The following BRD4 variants were observed in gnomAD, a reference collection of about 807,000 sequenced individuals.
BRD4 encodes the protein bromodomain containing 4.
In BRD4, 16 loss-of-function variants were observed where a neutral mutation model predicts 142.1. The ratio of observed to expected loss-of-function variants is 0.11; its 90% CI spans 0.08 to 0.17. BRD4 has a LOEUF of 0.17. Among genes scored for constraint, BRD4 ranks in the 10% least tolerant of loss-of-function variants. BRD4 has a pLI of 1.00. For missense variants in BRD4, 1,424 were observed against 1,810.9 expected (o/e 0.79, Z 3.88); for synonymous variants, 833 against 707.5 (o/e 1.18, Z -2.82).
At chr19:15,249,215 G>C in intron 11 of BRD4, 1 of 1,613,472 alleles carries the variant, frequency 6.2e-7, no homozygotes, top group Middle Eastern at 1.6e-4. Flanking sequence ...ATGGACTTAA[G>C]CTATAGCTTG....
chr19:15,260,813 A>G (rs1398878213), intron 7 of BRD4, among the ~76,000 whole-genome samples: 1 of 152,114 alleles, frequency 6.6e-6, no homozygotes, highest in Non-Finnish European at 1.5e-5. Flanking sequence ...AAAAAAAAAA[A>G]AACCACTTAA....
chr19:15,278,376 A>T (rs960132120), intron 1 of BRD4, among the ~76,000 whole-genome samples: 87 of 151,886 alleles, frequency 5.7e-4, no homozygotes, highest in African/African-American at 2.0e-3. Context: ...TCTACTAAAA[A>T]TACAGAAAAA....
chr19:15,329,347 A>G (rs1157096150), intron 1 of BRD4, among the ~76,000 whole-genome samples: 1 of 152,230 alleles, frequency 6.6e-6, no homozygotes, highest in Non-Finnish European at 1.5e-5. Context: ...AAAACATTTT[A>G]CATTCACAAA....
At chr19:15,242,853 A>G in intron 14 of BRD4, 47 bp downstream of exon 14, 1 of 1,566,400 alleles carries the variant, frequency 6.4e-7, no homozygotes, top group South Asian at 1.2e-5. Flanking sequence ...ACAAAACTAT[A>G]GGCCCAGCAC....
intron 1 of BRD4, among the ~76,000 whole-genome samples, chr19:15,328,848 A>C (rs1225066171): frequency 6.6e-6 from 1 of 152,158 alleles, no homozygotes; most frequent in East Asian, 1.9e-4. Flanking sequence ...ACCTTGGCTC[A>C]CCGCAACCTC....
At position 15,243,080 on chromosome 19, in the gene BRD4, C is replaced by T. The variant is rs747935780; in HGVS notation, c.2989G>A (p.Val997Met). 9.8e-6 allele frequency: 14 copies of T among 1,426,804 alleles called. No homozygotes were observed. The highest frequency in any genetic ancestry group is 2.5e-4 in the Middle Eastern group (1 of 3,934). The allele number at this position is 1,426,804 out of a possible 1,614,324, so 88.4% of individuals were successfully genotyped here. The change falls in exon 14 of 20, where the codon GTG becomes ATG. Residue 997 changes from valine to methionine, a missense_variant. Coordinates refer to ENST00000679869, the MANE Select transcript of BRD4 (RefSeq NM_001379291.1). Reference protein sequence around the residue: ...QQQHQPPPRPVHLQPMQFSTH... With the variant: ...QQQHQPPPRPMHLQPMQFSTH... ...GAAAACTGCATGGGCTGCAAGTGCA[C>T]GGGCCGTGGAGGGGGCTGATGCTGC...
intron 1 of BRD4, among the ~76,000 whole-genome samples, chr19:15,305,149 G>C (rs1366731508): frequency 1.3e-5 from 2 of 151,168 alleles, no homozygotes; most frequent in Non-Finnish European, 1.5e-5. Context: ...CTCCCGAGTA[G>C]CTGGGATTTC....
In BRD4 at chr19:15,264,311, G is replaced by C. The variant is rs1234078836; in HGVS notation, c.1212+93C>G. 4.7e-6 allele frequency: 7 copies of C among 1,477,974 alleles called. No homozygotes were observed. In the East Asian group the frequency reaches 1.6e-4, roughly 34 times the overall value. The allele number at this position is 1,477,974 out of a possible 1,614,324, so 91.6% of individuals were successfully genotyped here. ...CCACGCAGCCACCGTTCCAGGGCCT[G>C]GGCTTCCTCTTGGACTAAAAGGTCT... is the stretch of plus-strand genomic sequence containing the variant. On this transcript the variant is annotated intron_variant, in intron 6 of 19. Transcript: ENST00000679869.
At chr19:15,241,241 G>A (rs2047235483) in intron 14 of BRD4, among the ~76,000 whole-genome samples, 1 of 152,232 alleles carries the variant, frequency 6.6e-6, no homozygotes, top group South Asian at 2.1e-4. Context: ...CCCCAGGTCT[G>A]GCCTGCCAGG....
chr19:15,315,291 C>T (rs936996428), intron 1 of BRD4, among the ~76,000 whole-genome samples: 2 of 152,048 alleles, frequency 1.3e-5, no homozygotes, highest in African/African-American at 4.8e-5. Context: ...ACCTTTCTAG[C>T]ACAGGGGTAT....
At chr19:15,331,367 T>C (rs2048156397) in intron 1 of BRD4, among the ~76,000 whole-genome samples, 1 of 152,190 alleles carries the variant, frequency 6.6e-6, no homozygotes, top group Non-Finnish European at 1.5e-5. Flanking sequence ...GATCATTTTA[T>C]TTCGCTGAAT....
In BRD4 at chr19:15,299,510, A is replaced by C. The variant is rs968425059; in HGVS notation, c.-34-26377T>G. Among the ~76,000 whole-genome samples the C allele has an allele frequency of 8.5e-5, 13 of 152,304 alleles. No individual in the cohort carries two copies. In the East Asian group the frequency reaches 2.3e-3, roughly 27 times the overall value. On this transcript the variant is annotated intron_variant, in intron 1 of 19. Transcript: ENST00000679869. ...AGGGGGTGAATGAAGAAGACAGGTA[A>C]GGCCTGGGACATCCCCGCCATGGCC...
intron 1 of BRD4, among the ~76,000 whole-genome samples, chr19:15,274,794 C>G (rs2047628136): frequency 6.6e-6 from 1 of 152,124 alleles, no homozygotes; most frequent in Non-Finnish European, 1.5e-5. Flanking sequence ...CATGTGTGCT[C>G]TAGGCCAGTG....
chr19:15,294,331 C>T (rs1018166613), intron 1 of BRD4, among the ~76,000 whole-genome samples: 2 of 152,254 alleles, frequency 1.3e-5, no homozygotes, highest in East Asian at 1.9e-4. Flanking sequence ...CACATCTGGA[C>T]GACAGGCACC....
chr19:15,241,127 G>T (rs1227386505), intron 14 of BRD4, among the ~76,000 whole-genome samples: 1 of 152,264 alleles, frequency 6.6e-6, no homozygotes, highest in African/African-American at 2.4e-5. Flanking sequence ...TGTCCCCGCA[G>T]CCCACTGCTG....
intron 7 of BRD4, among the ~76,000 whole-genome samples, chr19:15,257,929 G>A (rs369026393): frequency 3.9e-5 from 6 of 152,296 alleles, no homozygotes; most frequent in African/African-American, 1.4e-4. Flanking sequence ...GTGGGGTCAT[G>A]GAGCTCAGGG....
intron 1 of BRD4, among the ~76,000 whole-genome samples, chr19:15,317,447 A>G (rs1320507039): frequency 5.9e-5 from 9 of 152,240 alleles, no homozygotes; most frequent in Admixed American, 5.9e-4. Context: ...GCAGTAAGCA[A>G]TAGAAAAAAA....
At chr19:15,301,922 A>G (rs958303648) in intron 1 of BRD4, among the ~76,000 whole-genome samples, 4 of 151,660 alleles carry the variant, frequency 2.6e-5, no homozygotes, top group Non-Finnish European at 2.9e-5. Flanking sequence ...GTCCCAGCAC[A>G]TTAGGAGGAT....
chr19:15,240,168 A>G, intron 14 of BRD4, 146 bp from the exon 15 acceptor site: 1 of 1,304,112 alleles, frequency 7.7e-7, no homozygotes, highest in South Asian at 1.5e-5. Context: ...GCCCAGCTCA[A>G]AAAGGGTGAA....
Sources: allele counts gnomAD v4.1 joint callset (sites outside exome capture counted in the v4.1 genomes callset), GRCh38; gene constraint gnomAD v4.1.1; transcripts MANE v1.5; gene names NCBI Gene and HGNC (gene_info 2026-07-23, HGNC 2026-07-21).